The following SHISA6 variants were observed in gnomAD, a reference collection of about 807,000 sequenced individuals.
The protein encoded by SHISA6 is protein shisa-6.
Under a neutral mutation model 47.9 loss-of-function variants are expected in SHISA6, and 22 were observed. That is an observed-to-expected ratio of 0.46 (90% CI 0.33 to 0.66). The LOEUF is 0.66. Among genes scored for constraint, SHISA6 ranks in the 30% least tolerant of loss-of-function variants. SHISA6 has a pLI of 0.02. For synonymous variants in SHISA6, 388 were observed against 337.8 expected, an observed-to-expected ratio of 1.15 and a Z score of -1.63; for missense variants, 680 against 764.6, an observed-to-expected ratio of 0.89 and a Z score of 1.30.
chr17:11,345,391 A>G (rs932451594), intron 2 of SHISA6, among the ~76,000 whole-genome samples: 7 of 152,150 alleles, frequency 4.6e-5, no homozygotes, highest in African/African-American at 9.6e-5. Context: ...TTAGCTCATA[A>G]TAACTTTTGA....
chr17:11,354,459 A>G (rs1035453947), intron 2 of SHISA6, among the ~76,000 whole-genome samples: 1 of 152,178 alleles, frequency 6.6e-6, no homozygotes, highest in Non-Finnish European at 1.5e-5. Flanking sequence ...TTGTATCAAC[A>G]TGGACATCCA....
intron 2 of SHISA6, among the ~76,000 whole-genome samples, chr17:11,337,101 A>G (rs74894182): frequency 0.024 from 3,697 of 152,248 alleles, 95 homozygotes; most frequent in African/African-American, 0.058. Context: ...CCCCAGAACC[A>G]CAGGCAGTGT....
At chr17:11,357,219 G>C (rs1401817422) in intron 2 of SHISA6, among the ~76,000 whole-genome samples, 1 of 145,926 alleles carries the variant, frequency 6.9e-6, no homozygotes, top group East Asian at 2.1e-4. Context: ...TGAAGAAGAA[G>C]AAGAAGAAGA....
intron 3 of SHISA6, among the ~76,000 whole-genome samples, chr17:11,409,740 T>C (rs1914066083): frequency 6.7e-6 from 1 of 148,490 alleles, no homozygotes; most frequent in South Asian, 2.1e-4. Context: ...AAAATGACAG[T>C]GTCATGTCTG....
chr17:11,326,907 T>C (rs1363217883), intron 2 of SHISA6, among the ~76,000 whole-genome samples: 3 of 152,224 alleles, frequency 2.0e-5, no homozygotes, highest in African/African-American at 7.2e-5. Flanking sequence ...ACGTAGGACT[T>C]CAGGGAAACT....
intron 2 of SHISA6, among the ~76,000 whole-genome samples, chr17:11,308,042 C>T (rs1910187731): frequency 6.6e-6 from 1 of 152,152 alleles, no homozygotes; most frequent in Non-Finnish European, 1.5e-5. Flanking sequence ...GATGGTCTGA[C>T]TTTGGTGGGG....
At chr17:11,451,446 G>A (rs1419358397) in intron 3 of SHISA6, among the ~76,000 whole-genome samples, 2 of 152,186 alleles carry the variant, frequency 1.3e-5, no homozygotes, top group African/African-American at 2.4e-5. Context: ...TCTCAAGGGG[G>A]TTACATTTAG....
chr17:11,338,137 C>G (rs1267449919), intron 2 of SHISA6, among the ~76,000 whole-genome samples: 1 of 152,162 alleles, frequency 6.6e-6, no homozygotes, highest in Non-Finnish European at 1.5e-5. Flanking sequence ...TGGATGAGGT[C>G]TTTAGCAGTG....
chr17:11,444,609 A>C (rs1296675134), intron 3 of SHISA6, among the ~76,000 whole-genome samples: 1 of 152,182 alleles, frequency 6.6e-6, no homozygotes, highest in Non-Finnish European at 1.5e-5. Context: ...AACAACAATA[A>C]TAATAATTTG....
intron 3 of SHISA6, among the ~76,000 whole-genome samples, chr17:11,475,346 G>A (rs1052820702): frequency 4.6e-5 from 7 of 151,960 alleles, no homozygotes; most frequent in Admixed American, 1.3e-4. Context: ...AGGGGGCATG[G>A]CTGCCTTGTG....
chr17:11,419,713 T>C (rs905365371), intron 3 of SHISA6, among the ~76,000 whole-genome samples: 2 of 152,130 alleles, frequency 1.3e-5, no homozygotes, highest in African/African-American at 4.8e-5. Context: ...CATTCCTTGG[T>C]AGGGAGGGGG....
At chr17:11,507,231 T>C (rs547002065) in intron 3 of SHISA6, among the ~76,000 whole-genome samples, 3 of 152,344 alleles carry the variant, frequency 2.0e-5, no homozygotes, top group South Asian at 2.1e-4. Flanking sequence ...TTTTCAGTAT[T>C]ATTGAAGGAA....
intron 3 of SHISA6, among the ~76,000 whole-genome samples, chr17:11,423,554 TA>T (rs1229814892): frequency 6.6e-6 from 1 of 151,156 alleles, no homozygotes; most frequent in Non-Finnish European, 1.5e-5. Flanking sequence ...AAAGAAATAA[TA>T]AAAAAATTGA....
At chr17:11,498,584 G>A (rs890974311) in intron 3 of SHISA6, among the ~76,000 whole-genome samples, 2 of 152,150 alleles carry the variant, frequency 1.3e-5, no homozygotes, top group Admixed American at 6.5e-5. Flanking sequence ...GCCCTGGTTT[G>A]ATCATTACAC....
chr17:11,371,027 C>T (rs1197124652), intron 2 of SHISA6, among the ~76,000 whole-genome samples: 2 of 152,194 alleles, frequency 1.3e-5, no homozygotes, highest in Admixed American at 6.5e-5. Flanking sequence ...TCTGCACAGA[C>T]TCTGGAGGAC....
At position 11,241,463 on chromosome 17, in the gene SHISA6, TG is replaced by T; in HGVS notation, c.43del (p.Glu15SerfsTer21). On this transcript the variant is annotated frameshift_variant, in exon 1 of 6. Coordinates refer to ENST00000441885, the MANE Select transcript of SHISA6 (RefSeq NM_207386.4). LOFTEE classifies it high-confidence loss of function. This position sits in a 1 kb window ranked among gnomAD's most constrained non-coding sequence, Gnocchi z 5.5. ...RRLLLLLLLSLESLDLLPSVH... is the reference protein window; with the variant it reads ...RRLLLLLLLSXESLDLLPSVH... ...CTCCTGCTGCTGCTGCTGCTCTCGC[TG>T]GAGTCCCTGGACCTGCTGCCCAGCG... 8.3e-7 allele frequency: 1 copy of T among 1,211,240 alleles called. No individual in the cohort carries two copies. Among genetic ancestry groups the T allele is most frequent in the East Asian group, 6.1e-5 (1 of 16,274 alleles). 75.0% of individuals were successfully genotyped at this position (1,211,240 alleles called of 1,614,324 possible). A position where few individuals can be genotyped will look rare whatever the true frequency, so the allele number is the denominator to read the frequency against.
At chr17:11,341,676 G>C (rs1911535392) in intron 2 of SHISA6, among the ~76,000 whole-genome samples, 2 of 152,076 alleles carry the variant, frequency 1.3e-5, no homozygotes, top group Non-Finnish European at 2.9e-5. Context: ...GCTCAGAGGA[G>C]CTCATTGATC....
intron 3 of SHISA6, among the ~76,000 whole-genome samples, chr17:11,399,005 G>T (rs1167532981): frequency 6.6e-6 from 1 of 151,996 alleles, no homozygotes; most frequent in Non-Finnish European, 1.5e-5. Context: ...ATTGTAGCAG[G>T]AGTGGAAAGA....
rs191129263 is a variant in SHISA6 at position 11,445,400 on chromosome 17, C to T, written c.895+65891C>T. 8.5e-5 allele frequency among the ~76,000 whole-genome samples: 13 copies of T among 152,236 alleles called. No homozygotes were observed. The East Asian group carries it at 2.5e-3, about 29-fold the overall frequency. On this transcript the variant is annotated intron_variant, in intron 3 of 5. Coordinates refer to ENST00000441885, the MANE Select transcript of SHISA6 (RefSeq NM_207386.4). The stretch of plus-strand genomic sequence containing the variant: ...ACTTCTGAAAGAAGAGGTGAAATTG[C>T]ATGCAAACCGTCACTGTACACACTC...
Sources: allele counts gnomAD v4.1 joint callset (sites outside exome capture counted in the v4.1 genomes callset), GRCh38; gene constraint gnomAD v4.1.1; non-coding constraint Gnocchi (gnomAD v3.1); transcripts MANE v1.5; gene names NCBI Gene and HGNC (gene_info 2026-07-23, HGNC 2026-07-21).